HNRNPU: variants seen among roughly 807,000 people sequenced by gnomAD.
HNRNPU encodes the protein HNRNPU antisense RNA 1.
In HNRNPU, 5 loss-of-function variants were observed where a neutral mutation model predicts 94.7. The observed-to-expected ratio is 0.05, with a 90% CI of 0.03 to 0.11. The LOEUF (loss-of-function observed/expected upper bound fraction) is 0.11, where lower values mean the gene tolerates loss of function less well. Ranked by LOEUF, HNRNPU falls within the 10% of genes least tolerant of loss-of-function variation. The probability of loss-of-function intolerance (pLI) is 1.00; values close to 1 mark genes in which losing one functional copy is unlikely to be tolerated. For missense variants in HNRNPU, 710 were observed against 1,049.2 expected (o/e 0.68, Z 4.47); for synonymous variants, 434 against 381.6 (o/e 1.14, Z -1.60).
At chr1:244,857,177 C>T (rs897893538) in intron 8 of HNRNPU, 2 of 246,424 alleles carry the variant, frequency 8.1e-6, no homozygotes, top group African/African-American at 2.2e-5. Context: ...CTTTAAGATA[C>T]TAACAAAATG....
At chr1:244,857,254 T>A (rs1680705800) in intron 8 of HNRNPU, 1 of 218,850 alleles carries the variant, frequency 4.6e-6, no homozygotes, top group East Asian at 1.1e-4. Flanking sequence ...TTTCTTTTTT[T>A]TTTTTTTCTG....
At chr1:244,862,998 T>G in intron 1 of HNRNPU, 4 of 442,150 alleles carry the variant, frequency 9.0e-6, no homozygotes, top group Non-Finnish European at 8.1e-6. Context: ...AGCCCACGTG[T>G]ATCCCGAAGA....
intron 10 of HNRNPU, 92 bp downstream of exon 10, chr1:244,856,365 T>C (rs1680681661): frequency 7.3e-7 from 1 of 1,363,792 alleles, no homozygotes; most frequent in East Asian, 2.3e-5. Flanking sequence ...TAAGTCCTAA[T>C]AGATTTAACA....
chr1:244,853,470 GGCTAAGGA>G lies in HNRNPU; in HGVS notation c.*972_*979del, dbSNP rs1680599361. The G allele has an allele frequency of 6.6e-6, 1 of 152,482 alleles. No homozygotes were observed. The highest frequency in any genetic ancestry group is 1.5e-5 in the Non-Finnish European group (1 of 67,974). 9.4% of individuals were successfully genotyped at this position (152,482 alleles called of 1,614,324 possible). On this transcript the variant is annotated 3_prime_UTR_variant, in exon 14 of 14. Coordinates refer to ENST00000640218, the MANE Select transcript of HNRNPU (RefSeq NM_031844.3). ...CTTTAGAAAGAAAAAGAAATCAGCA[GGCTAAGGA>G]GATACCCATTCAAGAACTGACATGA...
At chr1:244,858,953 C>T in intron 5 of HNRNPU, 112 bp from the exon 6 acceptor site, 1 of 622,534 alleles carries the variant, frequency 1.6e-6, no homozygotes, top group South Asian at 2.0e-5. Context: ...AACCTAATCA[C>T]CTGTCACTGA....
At position 244,856,422 on chromosome 1, in the gene HNRNPU, A is replaced by T. The variant is rs545348960; in HGVS notation, c.1912+35T>A. The T allele has an allele frequency of 6.9e-4, 1,086 of 1,572,662 alleles. 17 individuals carry two copies. In the South Asian group the frequency reaches 0.012, roughly 17 times the overall value. Reference sequence around the variant, plus strand: ...TAGGAAAAACATTCTTTTAAAAAGAAGATTTCACACAGTAACAGAATTAAA... The same window carrying T: ...TAGGAAAAACATTCTTTTAAAAAGATGATTTCACACAGTAACAGAATTAAA... On this transcript the variant is annotated intron_variant, in intron 10 of 13. Transcript: ENST00000640218.
Position 244,852,133 on chromosome 1 carries a change from C to T in HNRNPU, c.*2317G>A, listed in dbSNP as rs779772373. 8 of 152,138 alleles carry T rather than the reference C, an allele frequency of 5.3e-5. No individual in the cohort carries two copies. The highest frequency in any genetic ancestry group is 1.3e-4 in the Admixed American group (2 of 15,262). 9.4% of individuals were successfully genotyped at this position (152,138 alleles called of 1,614,324 possible). ...TGAGCAATAAATCAGGTTTCTCGTT[C>T]GTATCTTACTTCTTACCTAATTTTC... On this transcript the variant is annotated 3_prime_UTR_variant, in exon 14 of 14. Coordinates refer to ENST00000640218, the MANE Select transcript of HNRNPU (RefSeq NM_031844.3).
In HNRNPU at chr1:244,858,850, A is replaced by G. The variant is rs2102987192; in HGVS notation, c.1118-9T>C. 1 of 1,231,352 alleles carries G rather than the reference A, an allele frequency of 8.1e-7. No individual in the cohort carries two copies. Among genetic ancestry groups the G allele is most frequent in the Non-Finnish European group, 1.2e-6 (1 of 836,408 alleles). The allele number at this position is 1,231,352 out of a possible 1,614,324, so 76.3% of individuals were successfully genotyped here. ...AGAAAATTCTTCTTCACCTAAGAAA[A>G]TAATTAATCTTCATGAAGTAGATGT... On this transcript the variant is annotated splice_polypyrimidine_tract_variant and intron_variant, in intron 5 of 13. Coordinates refer to ENST00000640218, the MANE Select transcript of HNRNPU (RefSeq NM_031844.3).
intron 4 of HNRNPU, 102 bp downstream of exon 4, chr1:244,860,233 G>C: frequency 1.1e-6 from 1 of 910,506 alleles, no homozygotes; most frequent in Non-Finnish European, 1.7e-6. Context: ...CCCAGGACGC[G>C]GAGGTTGCAG....
intron 3 of HNRNPU, chr1:244,861,353 AATTAC>A (rs1364370682): frequency 2.0e-5 from 3 of 152,228 alleles, no homozygotes; most frequent in African/African-American, 7.2e-5. Context: ...AAAATCTAAC[AATTAC>A]ATTACCTGTG....
chr1:244,855,108 A>T, intron 12 of HNRNPU, 64 bp from the exon 13 acceptor site: 1 of 1,289,934 alleles, frequency 7.8e-7, no homozygotes, highest in East Asian at 2.3e-5. Flanking sequence ...TGTGGGGGTG[A>T]GAGAGAGGAG....
chr1:244,858,091 C>T lies in HNRNPU; in HGVS notation c.1414G>A (p.Glu472Lys). The change falls in exon 7 of 14, where the codon GAG (glutamate) becomes AAG (lysine). Residue 472 changes from glutamate (E) to lysine (K), a missense_variant. Transcript: ENST00000640218. ...KEKPYFPIPE[E>K]YTFIQNVPLE... is the part of the protein sequence containing the mutation. ...GGGACGTTCTGGATGAAAGTATACT[C>T]TTCAGGTATTGGAAAATATGGCTTT... The T allele has an allele frequency of 6.2e-7, 1 of 1,613,970 alleles. No homozygotes were observed. Among genetic ancestry groups the T allele is most frequent in the South Asian group, 1.1e-5 (1 of 91,072 alleles).
intron 5 of HNRNPU, 109 bp downstream of exon 5, chr1:244,859,166 G>A (rs1558188034): frequency 3.1e-6 from 2 of 643,646 alleles, no homozygotes; most frequent in Non-Finnish European, 5.5e-6. Context: ...AGTATTAACA[G>A]AATAGATAAA....
intron 7 of HNRNPU, 99 bp from the exon 8 acceptor site, chr1:244,857,816 AG>A (rs1680719863): frequency 2.0e-6 from 3 of 1,469,070 alleles, no homozygotes; most frequent in Non-Finnish European, 2.8e-6. Context: ...AAGTTTTCAT[AG>A]CCCTTACACT....
chr1:244,856,071 T>C lies in HNRNPU; in HGVS notation c.2000A>G (p.Glu667Gly). Reference protein sequence around the residue: ...LQKEEAQKLLEQYKEESKKAL... With the variant: ...LQKEEAQKLLGQYKEESKKAL... ...CTTTTTGCTTTCTTCCTTATATTGCTCCAAGAGTTTTTGGGCTTCTTCCTT... is the reference window on the plus strand; with the variant it reads ...CTTTTTGCTTTCTTCCTTATATTGCCCCAAGAGTTTTTGGGCTTCTTCCTT... Residue 667 changes from glutamate (E) to glycine (G), a missense_variant, in exon 11 of 14, where the codon GAG becomes GGG. Physicochemically the swap from Glu to Gly is moderately conservative, Grantham distance 98. This residue lies in a region of HNRNPU where 152 missense variants were observed against 238.9 expected (regional missense o/e 0.64). Coordinates refer to ENST00000640218, the MANE Select transcript of HNRNPU (RefSeq NM_031844.3). The C allele has an allele frequency of 6.2e-7, 1 of 1,614,076 alleles. No individual in the cohort carries two copies. The highest frequency in any genetic ancestry group is 8.5e-7 in the Non-Finnish European group (1 of 1,179,970).
In HNRNPU at chr1:244,862,554, C is replaced by T. The variant is rs1303361333; in HGVS notation, c.804-20G>A. ...TTGGCTCTGAAAGACAGAATTGTCT[C>T]CTGATACAGCTTTCCGATCAACGAA... On this transcript the variant is annotated intron_variant, in intron 2 of 13. Coordinates refer to ENST00000640218, the MANE Select transcript of HNRNPU (RefSeq NM_031844.3). 1.9e-6 allele frequency: 3 copies of T among 1,611,942 alleles called. No individual in the cohort carries two copies. The highest frequency in any genetic ancestry group is 2.5e-6 in the Non-Finnish European group (3 of 1,178,010).
At chr1:244,856,924 A>C (rs954452091) in intron 8 of HNRNPU, 68 bp from the exon 9 acceptor site, 56 of 1,284,708 alleles carry the variant, frequency 4.4e-5, no homozygotes, top group Non-Finnish European at 5.9e-5. Context: ...TTTAAAATTC[A>C]ACTCATATCT....
At chr1:244,857,435 C>A in intron 8 of HNRNPU, 163 bp downstream of exon 8, 3 of 674,878 alleles carry the variant, frequency 4.4e-6, no homozygotes, top group South Asian at 2.0e-5. Context: ...TTAGTAGGAA[C>A]GGGGCTTCGC....
intron 1 of HNRNPU, chr1:244,863,005 AAG>A (rs1680882813): frequency 4.7e-6 from 2 of 421,528 alleles, no homozygotes; most frequent in South Asian, 2.9e-5. Context: ...GTGTATCCCG[AAG>A]AGAGCGCAGA....
Sources: allele counts gnomAD v4.1 joint callset, GRCh38; gene constraint gnomAD v4.1.1; regional missense constraint gnomAD v4.1.1; transcripts MANE v1.5; gene names NCBI Gene and HGNC (gene_info 2026-07-23, HGNC 2026-07-21).